CSNK2A2IP: variants seen among roughly 807,000 people sequenced by gnomAD.
The protein encoded by CSNK2A2IP is casein kinase 2 subunit alpha' interacting protein.
the CSNK2A2IP span, among the ~76,000 whole-genome samples, chr3:88,345,985 C>T: frequency 5.7e-5 from 8 of 141,148 alleles, no homozygotes; most frequent in Non-Finnish European, 9.6e-5. Flanking sequence ...AAAAGTGATA[C>T]TCCAATGACT....
chr3:88,422,246 G>C, the CSNK2A2IP span, among the ~76,000 whole-genome samples: 6 of 152,138 alleles, frequency 3.9e-5, no homozygotes, highest in African/African-American at 1.4e-4. Flanking sequence ...TTCTAGGATG[G>C]AAATGTAATA....
At chr3:88,374,686 A>G in the CSNK2A2IP span, among the ~76,000 whole-genome samples, 1 of 151,550 alleles carries the variant, frequency 6.6e-6, no homozygotes, top group South Asian at 2.1e-4. Context: ...ACTACCCAAT[A>G]TTTTCTTTAC....
chr3:88,454,856 C>A, the CSNK2A2IP span, among the ~76,000 whole-genome samples: 1 of 151,750 alleles, frequency 6.6e-6, no homozygotes, highest in South Asian at 2.1e-4. Flanking sequence ...TTATTATTAA[C>A]CTCTTATACC....
chr3:88,411,371 ATCTATCTG>A, the CSNK2A2IP span, among the ~76,000 whole-genome samples: 2,383 of 128,776 alleles, frequency 0.019, 98 homozygotes, highest in African/African-American at 0.069. Context: ...CTATCTATCT[ATCTATCTG>A]TCTATCTATC....
chr3:88,430,127 G>A, the CSNK2A2IP span, among the ~76,000 whole-genome samples: 37 of 152,058 alleles, frequency 2.4e-4, no homozygotes, highest in East Asian at 6.6e-3. Context: ...CTTGGCTATT[G>A]CTTCCTTGGC....
At chr3:88,453,257 C>T in the CSNK2A2IP span, among the ~76,000 whole-genome samples, 2 of 151,998 alleles carry the variant, frequency 1.3e-5, no homozygotes, top group African/African-American at 4.8e-5. Context: ...AAATTGAAAT[C>T]TCTTGAGTTA....
At chr3:88,430,665 C>T in the CSNK2A2IP span, among the ~76,000 whole-genome samples, 1 of 151,964 alleles carries the variant, frequency 6.6e-6, no homozygotes, top group East Asian at 1.9e-4. Flanking sequence ...GAAAATAAAG[C>T]TAGAAGAGGA....
At chr3:88,384,410 A>C in the CSNK2A2IP span, among the ~76,000 whole-genome samples, 2 of 152,044 alleles carry the variant, frequency 1.3e-5, no homozygotes, top group Non-Finnish European at 2.9e-5. Flanking sequence ...CCATCTGAAG[A>C]GCCAGCGAAA....
the CSNK2A2IP span, among the ~76,000 whole-genome samples, chr3:88,401,515 A>AC: frequency 1.3e-5 from 2 of 152,140 alleles, no homozygotes; most frequent in Non-Finnish European, 2.9e-5. Flanking sequence ...AAGCTAAGAT[A>AC]CCCCTTGCAG....
At chr3:88,355,359 C>A in the CSNK2A2IP span, among the ~76,000 whole-genome samples, 1 of 152,008 alleles carries the variant, frequency 6.6e-6, no homozygotes, top group Admixed American at 6.6e-5. Context: ...TTCTCTTACA[C>A]CCAGGCAAAT....
the CSNK2A2IP span, among the ~76,000 whole-genome samples, chr3:88,388,894 CA>C: frequency 6.6e-6 from 1 of 151,900 alleles, no homozygotes; most frequent in African/African-American, 2.4e-5. Context: ...CAAATAATAG[CA>C]CCAATTGACT....
chr3:88,449,850 CACACAT>C, the CSNK2A2IP span, among the ~76,000 whole-genome samples: 3 of 86,684 alleles, frequency 3.5e-5, no homozygotes, highest in African/African-American at 1.1e-4. Context: ...CACACACACA[CACACAT>C]ATATATATAT....
the CSNK2A2IP span, among the ~76,000 whole-genome samples, chr3:88,351,168 T>C: frequency 1.3e-5 from 2 of 152,144 alleles, no homozygotes; most frequent in Admixed American, 6.6e-5. Context: ...TCACTAAATG[T>C]ATTTTATTAC....
the CSNK2A2IP span, among the ~76,000 whole-genome samples, chr3:88,405,485 C>A: frequency 6.6e-6 from 1 of 152,158 alleles, no homozygotes; most frequent in Non-Finnish European, 1.5e-5. Context: ...GCGTCTTGAT[C>A]AAAAGTCAGA....
chr3:88,353,959 T>A, the CSNK2A2IP span, among the ~76,000 whole-genome samples: 8 of 152,214 alleles, frequency 5.3e-5, no homozygotes, highest in African/African-American at 1.9e-4. Context: ...GGTGGATACC[T>A]CATCACAGGT....
At chr3:88,431,550 C>T in the CSNK2A2IP span, among the ~76,000 whole-genome samples, 1 of 152,128 alleles carries the variant, frequency 6.6e-6, no homozygotes, top group Non-Finnish European at 1.5e-5. Flanking sequence ...CGCAAATCAC[C>T]ACTAAGGAAC....
the CSNK2A2IP span, among the ~76,000 whole-genome samples, chr3:88,446,046 CTTTCTTTCTTTCTTTCTT>C: frequency 6.6e-4 from 41 of 62,196 alleles, no homozygotes; most frequent in Admixed American, 6.2e-4. Context: ...TTCTTTCTTT[CTTTCTTTCTTTCTTTCTT>C]TCTTTCTTTC....
At chr3:88,362,890 G>A in the CSNK2A2IP span, among the ~76,000 whole-genome samples, 12 of 152,202 alleles carry the variant, frequency 7.9e-5, no homozygotes, top group South Asian at 1.7e-3. Flanking sequence ...TCCTCTCTGC[G>A]CTGCACTACC....
chr3:88,450,007 A>G, the CSNK2A2IP span, among the ~76,000 whole-genome samples: 11 of 150,610 alleles, frequency 7.3e-5, no homozygotes, highest in African/African-American at 2.2e-4. Context: ...AGCTGGGACT[A>G]CAGGCTCGCA....
Sources: allele counts gnomAD v4.1 joint callset (sites outside exome capture counted in the v4.1 genomes callset), GRCh38; gene constraint gnomAD v4.1.1; transcripts MANE v1.5; gene names NCBI Gene and HGNC (gene_info 2026-07-23, HGNC 2026-07-21).